TMEM45A: variants seen among roughly 807,000 people sequenced by gnomAD.
The protein encoded by TMEM45A is DNA polymerase-transactivated protein 4.
In TMEM45A, 25 loss-of-function variants were observed where a neutral mutation model predicts 32.0. The observed-to-expected ratio is 0.78, with a 90% CI of 0.57 to 1.09. TMEM45A has a LOEUF of 1.09. Among genes scored for constraint, TMEM45A ranks in the 50% least tolerant of loss-of-function variants. The pLI, the probability that TMEM45A is intolerant of heterozygous loss-of-function variation, is 0.00. For missense variants in TMEM45A, 302 were observed against 325.0 expected, an observed-to-expected ratio of 0.93 and a Z score of 0.54; for synonymous variants, 122 against 114.8, an observed-to-expected ratio of 1.06 and a Z score of -0.40.
At chr3:100,569,217 C>T (rs1706507365) in intron 5 of TMEM45A, among the ~76,000 whole-genome samples, 1 of 152,344 alleles carries the variant, frequency 6.6e-6, no homozygotes, top group South Asian at 2.1e-4. Context: ...CATCACACTC[C>T]TCTGTGCCTC....
intron 1 of TMEM45A, among the ~76,000 whole-genome samples, chr3:100,496,571 A>G (rs546062259): frequency 1.1e-4 from 16 of 152,350 alleles, no homozygotes; most frequent in African/African-American, 3.8e-4. Context: ...AAGGAAGATC[A>G]TTGGAGAAAG....
chr3:100,556,702 A>G, intron 2 of TMEM45A, 58 bp from the exon 3 acceptor site: 2 of 1,470,040 alleles, frequency 1.4e-6, no homozygotes, highest in African/African-American at 1.4e-5. Flanking sequence ...GTCCTCCTGC[A>G]TCTTCTTGAA....
rs920651365 is a variant in TMEM45A at position 100,535,945 on chromosome 3, A to G, written c.-3-19264A>G. 1.5e-4 allele frequency among the ~76,000 whole-genome samples: 23 copies of G among 152,280 alleles called. 1 individual carries two copies. The highest frequency in any genetic ancestry group is 3.6e-4 in the African/African-American group (15 of 41,544). ...TTCTTTTTTCCTAAGAGAAAAGGGG[A>G]AAAAAAGTCTTGACGTTAAGGGGAT... On this transcript the variant is annotated intron_variant, in intron 1 of 5. Coordinates refer to ENST00000323523, the MANE Select transcript of TMEM45A (RefSeq NM_018004.3).
intron 1 of TMEM45A, among the ~76,000 whole-genome samples, chr3:100,540,951 C>T (rs111779751): frequency 0.1 from 15,747 of 152,146 alleles, 2,732 homozygotes; most frequent in African/African-American, 0.36. Context: ...CAGCAGTGTA[C>T]AAGTGTTCCC....
intron 4 of TMEM45A, among the ~76,000 whole-genome samples, chr3:100,565,905 T>C (rs1706424612): frequency 1.3e-5 from 2 of 152,154 alleles, no homozygotes; most frequent in South Asian, 4.2e-4. Flanking sequence ...AAAGGAAACC[T>C]TGGGCCCATA....
chr3:100,562,792 T>C lies in TMEM45A; in HGVS notation c.588+4203T>C, dbSNP rs138147368. 3.3e-3 allele frequency among the ~76,000 whole-genome samples: 496 copies of C among 152,154 alleles called. 3 individuals are homozygous for C. In the Middle Eastern group the frequency reaches 0.034, roughly 10 times the overall value. On this transcript the variant is annotated intron_variant, in intron 4 of 5. Coordinates refer to ENST00000323523, the MANE Select transcript of TMEM45A (RefSeq NM_018004.3). The stretch of plus-strand genomic sequence containing the variant: ...TATCTCATGGGGTTATTGGGAAAAA[T>C]ATATGCTATAACTTGACAATGCATG...
chr3:100,538,970 A>G (rs1705795308), intron 1 of TMEM45A, among the ~76,000 whole-genome samples: 1 of 152,150 alleles, frequency 6.6e-6, no homozygotes, highest in South Asian at 2.1e-4. Flanking sequence ...AAATGGAGAA[A>G]TATTCTATTC....
At chr3:100,517,895 A>C (rs1460983727) in intron 1 of TMEM45A, among the ~76,000 whole-genome samples, 1 of 152,240 alleles carries the variant, frequency 6.6e-6, no homozygotes, top group Non-Finnish European at 1.5e-5. Flanking sequence ...ACTGTGGTTT[A>C]AATGGGCTTG....
intron 1 of TMEM45A, among the ~76,000 whole-genome samples, chr3:100,525,374 A>G (rs1030872465): frequency 7.9e-5 from 12 of 152,174 alleles, no homozygotes; most frequent in African/African-American, 2.4e-4. Flanking sequence ...TTAAAATTAC[A>G]TATGTGTCTT....
chr3:100,504,893 T>C (rs965573887), intron 1 of TMEM45A, among the ~76,000 whole-genome samples: 1 of 152,228 alleles, frequency 6.6e-6, no homozygotes, highest in African/African-American at 2.4e-5. Context: ...GTGTAGCCTG[T>C]TGCCTCTCTG....
chr3:100,519,523 T>G, intron 1 of TMEM45A: 1 of 1,548,564 alleles, frequency 6.5e-7, no homozygotes, highest in Non-Finnish European at 8.7e-7. Context: ...TCTTATCTCT[T>G]CTGCCACAGT....
At chr3:100,515,209 CA>C (rs1340814430) in intron 1 of TMEM45A, among the ~76,000 whole-genome samples, 1 of 152,062 alleles carries the variant, frequency 6.6e-6, no homozygotes, top group Non-Finnish European at 1.5e-5. Flanking sequence ...TCTCCAATAG[CA>C]AAGACTTGGA....
Position 100,519,643 on chromosome 3 carries a change from G to A in TMEM45A, c.-4+26715G>A, listed in dbSNP as rs752617541. The A allele has an allele frequency of 9.7e-6, 15 of 1,547,988 alleles. No individual in the cohort carries two copies. In the African/African-American group the frequency reaches 1.6e-4, roughly 17 times the overall value. ...GCGTTTCTGCAGTAACCTTTGGTGT[G>A]ATAATGTGAAAAGAGCAAGAACTTT... is the stretch of plus-strand genomic sequence containing the variant. On this transcript the variant is annotated intron_variant, in intron 1 of 5. Transcript: ENST00000323523.
At chr3:100,541,460 G>A (rs949156990) in intron 1 of TMEM45A, among the ~76,000 whole-genome samples, 18 of 150,130 alleles carry the variant, frequency 1.2e-4, no homozygotes, top group Non-Finnish European at 4.4e-5. Context: ...ATAGTTTAAG[G>A]TCTTACATTT....
intron 5 of TMEM45A, among the ~76,000 whole-genome samples, chr3:100,575,363 C>CTTTTTTTTTTTTTTTTTTTT (rs59739893): frequency 3.2e-5 from 2 of 62,706 alleles, no homozygotes; most frequent in African/African-American, 1.1e-4. Flanking sequence ...TATGGATTCT[C>CTTTTTTTTTTTTTTTTTTTT]TTTTTTTTTT....
intron 1 of TMEM45A, among the ~76,000 whole-genome samples, chr3:100,532,058 G>T (rs980636869): frequency 2.6e-5 from 4 of 152,130 alleles, no homozygotes; most frequent in African/African-American, 9.7e-5. Context: ...GAGAAGTGCT[G>T]CTTTATCCCA....
intron 1 of TMEM45A, among the ~76,000 whole-genome samples, chr3:100,499,499 A>G (rs1018402902): frequency 5.3e-5 from 8 of 152,242 alleles, no homozygotes; most frequent in African/African-American, 1.9e-4. Context: ...ACATAGCCAT[A>G]GTTTAAAAAT....
Position 100,557,024 on chromosome 3 carries a change from T to C in TMEM45A, c.403+52T>C, listed in dbSNP as rs754982784. Reference sequence around the variant, plus strand: ...ACCTTTCTCTATTAGTGAGCATTTATGTAGCCCTTCATATTAATATACCTC... The same window carrying C: ...ACCTTTCTCTATTAGTGAGCATTTACGTAGCCCTTCATATTAATATACCTC... On this transcript the variant is annotated intron_variant, in intron 3 of 5. Coordinates refer to ENST00000323523, the MANE Select transcript of TMEM45A (RefSeq NM_018004.3). The C allele has an allele frequency of 3.2e-6, 5 of 1,562,626 alleles. No individual in the cohort carries two copies. In the South Asian group the frequency reaches 4.5e-5, roughly 14 times the overall value.
At chr3:100,495,902 A>G (rs1386038480) in intron 1 of TMEM45A, among the ~76,000 whole-genome samples, 3 of 152,230 alleles carry the variant, frequency 2.0e-5, no homozygotes, top group African/African-American at 7.2e-5. Flanking sequence ...CCCATAGTGT[A>G]TGCCGAGTAG....
Sources: gnomAD v4.1 joint callset for allele counts (sites outside exome capture counted in the v4.1 genomes callset) on GRCh38, gnomAD v4.1.1 for gene constraint, MANE v1.5 for transcripts, NCBI Gene and HGNC (gene_info 2026-07-23, HGNC 2026-07-21) for gene names.